The following ITGA1 variants were observed in gnomAD, a reference collection of about 807,000 sequenced individuals.
ITGA1 encodes the protein integrin subunit alpha 1, also known as integrin alpha-1.
Under a neutral mutation model 145.9 loss-of-function variants are expected in ITGA1, and 85 were observed. That is an observed-to-expected ratio of 0.58 (90% CI 0.49 to 0.70). ITGA1 has a LOEUF of 0.70. Among genes scored for constraint, ITGA1 ranks in the 30% least tolerant of loss-of-function variants. ITGA1 has a pLI of 0.00. For synonymous variants in ITGA1, 520 were observed against 495.3 expected, an observed-to-expected ratio of 1.05 and a Z score of -0.66; for missense variants, 1,351 against 1,418.7, an observed-to-expected ratio of 0.95 and a Z score of 0.77.
chr5:52,874,496 T>C (rs1196590702), intron 6 of ITGA1, among the ~76,000 whole-genome samples: 1 of 152,186 alleles, frequency 6.6e-6, no homozygotes, highest in African/African-American at 2.4e-5. Context: ...AAGATAGTTG[T>C]TAAAATCTTA....
At chr5:52,865,283 A>G (rs1749669465) in intron 5 of ITGA1, among the ~76,000 whole-genome samples, 1 of 152,242 alleles carries the variant, frequency 6.6e-6, no homozygotes, top group Non-Finnish European at 1.5e-5. Flanking sequence ...AAATAACTTT[A>G]CAAAGTCATT....
chr5:52,932,535 A>G (rs1352401443), intron 22 of ITGA1: 1 of 158,344 alleles, frequency 6.3e-6, no homozygotes, highest in African/African-American at 2.4e-5. Flanking sequence ...AGTCTTCTCA[A>G]TCTGGACACA....
chr5:52,832,728 G>A (rs1046718786), intron 1 of ITGA1, among the ~76,000 whole-genome samples: 8 of 148,854 alleles, frequency 5.4e-5, no homozygotes, highest in African/African-American at 1.2e-4. Flanking sequence ...TATAGGTATC[G>A]AAAAGACCCT....
intron 6 of ITGA1, among the ~76,000 whole-genome samples, chr5:52,880,709 G>C (rs190177592): frequency 2.0e-5 from 3 of 152,300 alleles, no homozygotes; most frequent in East Asian, 3.9e-4. Context: ...AAAGAAGGCA[G>C]GCTTGTTGCA....
intron 6 of ITGA1, among the ~76,000 whole-genome samples, chr5:52,879,969 A>C (rs73106330): frequency 0.013 from 1,936 of 152,338 alleles, 50 homozygotes; most frequent in African/African-American, 0.044. Flanking sequence ...TATTTTTTAC[A>C]AAATATGATA....
At position 52,947,606 on chromosome 5, in the gene ITGA1, AG is replaced by A; in HGVS notation, c.3495+146del. The stretch of plus-strand genomic sequence containing the variant: ...AAATGATGACTAAGGGAAAGAAAAA[AG>A]AAAAATGCGTATTTCAAACACTGCA... On this transcript the variant is annotated intron_variant, in intron 28 of 28. Coordinates refer to ENST00000282588, the MANE Select transcript of ITGA1 (RefSeq NM_181501.2). 4 of 613,434 alleles carry A rather than the reference AG, an allele frequency of 6.5e-6. No individual in the cohort carries two copies. In the South Asian group the frequency reaches 8.0e-5, roughly 12 times the overall value. The allele number at this position is 613,434 out of a possible 1,614,324, so 38.0% of individuals were successfully genotyped here.
intron 17 of ITGA1, among the ~76,000 whole-genome samples, chr5:52,920,885 C>T (rs1414735561): frequency 1.3e-5 from 2 of 152,064 alleles, no homozygotes; most frequent in Admixed American, 6.6e-5. Context: ...GGGCTGTATG[C>T]TTTCTGGGAT....
chr5:52,853,313 G>A (rs1400789428), intron 2 of ITGA1, among the ~76,000 whole-genome samples: 2 of 152,108 alleles, frequency 1.3e-5, no homozygotes, highest in African/African-American at 2.4e-5. Context: ...AAACATGTTT[G>A]GATGTTCTGT....
intron 11 of ITGA1, among the ~76,000 whole-genome samples, chr5:52,900,173 A>G (rs1465483319): frequency 6.6e-6 from 1 of 152,220 alleles, no homozygotes; most frequent in Admixed American, 6.5e-5. Context: ...GGATTAGATT[A>G]GATATCTTCT....
chr5:52,905,512 T>C (rs1750386639), intron 11 of ITGA1: 5 of 285,712 alleles, frequency 1.8e-5, no homozygotes, highest in Middle Eastern at 1.0e-3. Context: ...TGTTATATCA[T>C]TTGTGATTTT....
chr5:52,832,512 T>C (rs1749087324), intron 1 of ITGA1, among the ~76,000 whole-genome samples: 1 of 152,238 alleles, frequency 6.6e-6, no homozygotes, highest in African/African-American at 2.4e-5. Flanking sequence ...CATAAGATTC[T>C]ATGATTTATC....
intron 17 of ITGA1, among the ~76,000 whole-genome samples, chr5:52,921,118 G>C (rs988829325): frequency 6.6e-6 from 1 of 152,054 alleles, no homozygotes; most frequent in Non-Finnish European, 1.5e-5. Context: ...TATGGGGAAT[G>C]TTCCCAACAG....
In ITGA1 at chr5:52,954,612, T is replaced by C. The variant is rs1354894680; in HGVS notation, c.*2161T>C. The C allele has an allele frequency of 7.7e-6, 1 of 130,386 alleles. No homozygotes were observed. The highest frequency in any genetic ancestry group is 2.6e-4 in the South Asian group (1 of 3,840). The allele number at this position is 130,386 out of a possible 1,614,324, so 8.1% of individuals were successfully genotyped here. ...CCTGTTTCTCTAATATTATAATTTG[T>C]TGAGGTTTGTGTGTGTGTGTGTGTG... On this transcript the variant is annotated 3_prime_UTR_variant, in exon 29 of 29. Coordinates refer to ENST00000282588, the MANE Select transcript of ITGA1 (RefSeq NM_181501.2).
At position 52,951,389 on chromosome 5, in the gene ITGA1, A is replaced by C. The variant is rs575033584; in HGVS notation, c.3496-1018A>C. Among the ~76,000 whole-genome samples the C allele has an allele frequency of 7.2e-5, 11 of 152,274 alleles. No homozygotes were observed. In the South Asian group the frequency reaches 2.3e-3, roughly 32 times the overall value. On this transcript the variant is annotated intron_variant, in intron 28 of 28. Coordinates refer to ENST00000282588, the MANE Select transcript of ITGA1 (RefSeq NM_181501.2). ...TTAGATAATTGCAAAGATCCCTTCT[A>C]TCCCCCATACTTAGTTTTGTTATTC...
intron 1 of ITGA1, among the ~76,000 whole-genome samples, chr5:52,792,093 G>A (rs993023141): frequency 1.3e-5 from 2 of 152,190 alleles, no homozygotes; most frequent in African/African-American, 4.8e-5. Flanking sequence ...AGCATTAAGT[G>A]TAACTCAAGT....
At chr5:52,832,020 C>T (rs764994404) in intron 1 of ITGA1, among the ~76,000 whole-genome samples, 6 of 152,122 alleles carry the variant, frequency 3.9e-5, no homozygotes, top group Non-Finnish European at 8.8e-5. Context: ...CCCCCAGCCA[C>T]GGTGGAGAAA....
At chr5:52,919,663 T>C (rs1475397541) in intron 16 of ITGA1, among the ~76,000 whole-genome samples, 1 of 152,210 alleles carries the variant, frequency 6.6e-6, no homozygotes, top group East Asian at 1.9e-4. Flanking sequence ...ACTAGAAAGA[T>C]CAATGAGGTA....
At chr5:52,873,430 G>T (rs1749816027) in intron 6 of ITGA1, among the ~76,000 whole-genome samples, 1 of 152,130 alleles carries the variant, frequency 6.6e-6, no homozygotes, top group African/African-American at 2.4e-5. Context: ...TCCAGATAAA[G>T]ATACCCTTTT....
chr5:52,896,743 A>T (rs1750233208), intron 9 of ITGA1, among the ~76,000 whole-genome samples: 1 of 152,192 alleles, frequency 6.6e-6, no homozygotes, highest in Non-Finnish European at 1.5e-5. Flanking sequence ...ATTTGAGAGT[A>T]GCAGACTGCC....
Sources: gnomAD v4.1 joint callset for allele counts (sites outside exome capture counted in the v4.1 genomes callset) on GRCh38, gnomAD v4.1.1 for gene constraint, MANE v1.5 for transcripts, NCBI Gene and HGNC (gene_info 2026-07-23, HGNC 2026-07-21) for gene names.